The following CNTNAP2 variants were observed in gnomAD, a reference collection of about 807,000 sequenced individuals.
CNTNAP2 encodes contactin-associated protein-like 2.
A neutral mutation model predicts 155.2 loss-of-function variants in CNTNAP2; 98 were observed. The observed-to-expected ratio is 0.63, with a 90% CI of 0.54 to 0.75. CNTNAP2 has a LOEUF of 0.75. Among genes scored for constraint, CNTNAP2 ranks in the 30% least tolerant of loss-of-function variants. The pLI is 0.00. For synonymous variants in CNTNAP2, 651 were observed against 631.2 expected (o/e 1.03, Z -0.47); for missense variants, 1,727 against 1,688.1 (o/e 1.02, Z -0.40).
At chr7:147,489,726 C>T (rs1453534266) in intron 11 of CNTNAP2, among the ~76,000 whole-genome samples, 2 of 152,156 alleles carry the variant, frequency 1.3e-5, no homozygotes, top group African/African-American at 2.4e-5. Context: ...AGCGATTCTG[C>T]TGCCTCAGCC....
chr7:146,486,313 C>T (rs1161694002), intron 1 of CNTNAP2, among the ~76,000 whole-genome samples: 1 of 152,024 alleles, frequency 6.6e-6, no homozygotes, highest in Non-Finnish European at 1.5e-5. Context: ...ATCCGCCTGC[C>T]TCGGCCTCCC....
At chr7:146,352,287 T>C (rs1305192684) in intron 1 of CNTNAP2, among the ~76,000 whole-genome samples, 1 of 152,192 alleles carries the variant, frequency 6.6e-6, no homozygotes, top group Non-Finnish European at 1.5e-5. Context: ...TAAAACAATG[T>C]TTTTAATACT....
intron 8 of CNTNAP2, among the ~76,000 whole-genome samples, chr7:147,198,721 A>G (rs1802859600): frequency 1.3e-5 from 2 of 152,162 alleles, no homozygotes; most frequent in Admixed American, 6.5e-5. Context: ...ATTTTCAGTG[A>G]TAGTTTGTCA....
At chr7:148,064,022 C>T (rs374296683) in intron 15 of CNTNAP2, among the ~76,000 whole-genome samples, 12 of 151,948 alleles carry the variant, frequency 7.9e-5, no homozygotes, top group Non-Finnish European at 4.4e-5. Flanking sequence ...TTTGCTTTGT[C>T]GAAGATCAGT....
rs1007831416 is a variant in CNTNAP2, at chr7:147,239,121, A to T, written c.1349-61020A>T. Among the ~76,000 whole-genome samples the T allele has an allele frequency of 8.5e-5, 13 of 152,278 alleles. No homozygotes were observed. In the East Asian group the frequency reaches 2.5e-3, roughly 29 times the overall value. On this transcript the variant is annotated intron_variant, in intron 8 of 23. Transcript: ENST00000361727. ...GAATGTTTTTAAGAACCTATCAAAG[A>T]TTCTCTCAGTCAGTAGATAGATGGT...
At chr7:147,737,730 C>A (rs1045451465) in intron 13 of CNTNAP2, among the ~76,000 whole-genome samples, 27 of 152,176 alleles carry the variant, frequency 1.8e-4, no homozygotes, top group Admixed American at 8.5e-4. Flanking sequence ...GGCACCCCTC[C>A]CCCAGCCTCG....
chr7:147,489,929 A>G (rs762882784), intron 11 of CNTNAP2, among the ~76,000 whole-genome samples: 1 of 152,164 alleles, frequency 6.6e-6, no homozygotes, highest in Non-Finnish European at 1.5e-5. Context: ...ATTCTTATAT[A>G]TACTACTAGT....
chr7:146,354,739 AC>A (rs1442982936), intron 1 of CNTNAP2, among the ~76,000 whole-genome samples: 1 of 152,014 alleles, frequency 6.6e-6, no homozygotes, highest in East Asian at 1.9e-4. Flanking sequence ...CCTTTAAGGG[AC>A]CATATAATCA....
rs370346264 is a variant in CNTNAP2 at position 147,698,735 on chromosome 7, A to G, written c.2098+59429A>G. 5.9e-5 allele frequency among the ~76,000 whole-genome samples: 9 copies of G among 152,176 alleles called. No individual in the cohort carries two copies. In the East Asian group the frequency reaches 1.2e-3, roughly 20 times the overall value. The stretch of plus-strand genomic sequence containing the variant: ...ACCACCACACTCAGCTAATTTTTGT[A>G]TCTTATTTTGCAGATATGGGGTTTT... On this transcript the variant is annotated intron_variant, in intron 13 of 23. Transcript: ENST00000361727.
chr7:146,825,662 T>C (rs1299268776), intron 2 of CNTNAP2, among the ~76,000 whole-genome samples: 6 of 152,130 alleles, frequency 3.9e-5, no homozygotes, highest in African/African-American at 1.4e-4. Context: ...ATATGAAAAG[T>C]GGAGATACAA....
chr7:147,647,088 C>T (rs1795377550), intron 13 of CNTNAP2, among the ~76,000 whole-genome samples: 1 of 150,572 alleles, frequency 6.6e-6, no homozygotes, highest in South Asian at 2.1e-4. Context: ...TCAAGTGATT[C>T]GTGATTCTCC....
intron 10 of CNTNAP2, among the ~76,000 whole-genome samples, chr7:147,432,407 T>A (rs547248348): frequency 6.6e-6 from 1 of 152,194 alleles, no homozygotes; most frequent in East Asian, 1.9e-4. Flanking sequence ...TTTTAAAAAA[T>A]AGAAATCATG....
intron 18 of CNTNAP2, 89 bp downstream of exon 18, chr7:148,172,567 G>A (rs1031901709): frequency 8.4e-7 from 1 of 1,184,832 alleles, no homozygotes; most frequent in Non-Finnish European, 1.3e-6. Context: ...GTAAACAAGT[G>A]TACCTTATTC....
At chr7:146,346,778 C>T (rs1247389651) in intron 1 of CNTNAP2, among the ~76,000 whole-genome samples, 9 of 152,030 alleles carry the variant, frequency 5.9e-5, no homozygotes, top group East Asian at 1.9e-4. Flanking sequence ...GGGACAGTTC[C>T]ATCCTGAAAT....
At chr7:148,243,103 A>G (rs987250448) in intron 20 of CNTNAP2, among the ~76,000 whole-genome samples, 1 of 152,226 alleles carries the variant, frequency 6.6e-6, no homozygotes, top group African/African-American at 2.4e-5. Flanking sequence ...AATGGCTGCC[A>G]TCCTATCCGA....
At chr7:147,888,545 G>A (rs1294243247) in intron 13 of CNTNAP2, among the ~76,000 whole-genome samples, 1 of 151,744 alleles carries the variant, frequency 6.6e-6, no homozygotes. Flanking sequence ...GTGAATGATG[G>A]CTAAAAATTG....
At chr7:147,112,419 C>T (rs114417835) in intron 5 of CNTNAP2, among the ~76,000 whole-genome samples, 188 of 152,176 alleles carry the variant, frequency 1.2e-3, no homozygotes, top group African/African-American at 3.9e-3. Flanking sequence ...TGAATAGTCA[C>T]GGTGAGAGAA....
chr7:146,795,201 T>C (rs1018912843), intron 2 of CNTNAP2, among the ~76,000 whole-genome samples: 2 of 152,238 alleles, frequency 1.3e-5, no homozygotes, highest in Non-Finnish European at 2.9e-5. Context: ...AGAATTAGAA[T>C]ATAATTAGTA....
intron 1 of CNTNAP2, among the ~76,000 whole-genome samples, chr7:146,404,426 A>G (rs1293754550): frequency 1.3e-5 from 2 of 152,140 alleles, no homozygotes; most frequent in Non-Finnish European, 2.9e-5. Flanking sequence ...CAGCATCCGC[A>G]GCAACATCCT....
Sources: allele counts gnomAD v4.1 joint callset (sites outside exome capture counted in the v4.1 genomes callset), GRCh38; gene constraint gnomAD v4.1.1; transcripts MANE v1.5; gene names NCBI Gene and HGNC (gene_info 2026-07-23, HGNC 2026-07-21).